Variants in SIGLEC11 observed in about 807,000 individuals in gnomAD.
The protein encoded by SIGLEC11 is sialic acid-binding Ig-like lectin 11.
Under a neutral mutation model 61.2 loss-of-function variants are expected in SIGLEC11, and 47 were observed. The observed-to-expected ratio is 0.77, with a 90% CI of 0.61 to 0.98. The LOEUF (loss-of-function observed/expected upper bound fraction) is 0.98. Among genes scored for constraint, SIGLEC11 ranks in the 50% least tolerant of loss-of-function variants. The pLI is 0.00. For missense variants in SIGLEC11, 610 were observed against 870.3 expected (o/e 0.70, Z 3.76); for synonymous variants, 278 against 373.1 (o/e 0.75, Z 2.94).
At chr19:49,953,566 T>C (rs2076174292) in intron 8 of SIGLEC11, among the ~76,000 whole-genome samples, 1 of 152,168 alleles carries the variant, frequency 6.6e-6, no homozygotes, top group Admixed American at 6.5e-5. Flanking sequence ...AGAAGCCTTA[T>C]TAGGCTGATC....
At chr19:49,956,317 A>C (rs761973811) in intron 8 of SIGLEC11, among the ~76,000 whole-genome samples, 8 of 152,224 alleles carry the variant, frequency 5.3e-5, no homozygotes, top group Non-Finnish European at 1.2e-4. Context: ...TAAAACACTA[A>C]GAAACACTTT....
intron 8 of SIGLEC11, 109 bp from the exon 9 acceptor site, chr19:49,952,503 A>G (rs2076165627): frequency 1.4e-6 from 1 of 706,462 alleles, no homozygotes; most frequent in East Asian, 2.7e-5. Context: ...ACTGAGGCAG[A>G]AATTTAAAAA....
Position 49,960,340 on chromosome 19 carries a change from C to T in SIGLEC11, c.542G>A (p.Trp181Ter). 6.2e-7 allele frequency: 1 copy of T among 1,601,536 alleles called. No homozygotes were observed. Among genetic ancestry groups the T allele is most frequent in the South Asian group, 1.1e-5 (1 of 90,584 alleles). The change falls in exon 3 of 11, where the codon TGG becomes TAG. Residue 181 changes from tryptophan (W) to a stop codon, truncating the protein, a stop_gained. Coordinates refer to ENST00000447370, the MANE Select transcript of SIGLEC11 (RefSeq NM_052884.3). LOFTEE classifies it high-confidence loss of function. ...QPVTVICVFNWAFKKCPAPSF... is the reference protein window; with the variant it reads ...QPVTVICVFN ...AGGGGCTGGACATTTCTTGAAAGCC[C>T]AGTTAAACACACAGATGACCGTCAC...
chr19:49,959,330 G>A, intron 5 of SIGLEC11, 30 bp downstream of exon 5: 1 of 1,600,518 alleles, frequency 6.2e-7, no homozygotes, highest in East Asian at 2.2e-5. Flanking sequence ...CCCTCCCAAT[G>A]GACTCCAGGC....
In SIGLEC11 at chr19:49,951,792, TG is replaced by T; in HGVS notation, c.1830+98del. The T allele has an allele frequency of 9.4e-7, 1 of 1,067,560 alleles. No individual in the cohort carries two copies. 66.1% of individuals were successfully genotyped at this position (1,067,560 alleles called of 1,614,324 possible). ...GGGGACCCAGGAGCAAAACCCTATT[TG>T]GGGCACAATGATTCTGCAAGTCACC... On this transcript the variant is annotated intron_variant, in intron 10 of 10. Transcript: ENST00000447370. The surrounding 1 kb of genome is among the most constrained non-coding windows in gnomAD (Gnocchi z 4.6).
intron 8 of SIGLEC11, among the ~76,000 whole-genome samples, chr19:49,954,578 T>C (rs914878834): frequency 6.6e-6 from 1 of 152,160 alleles, no homozygotes; most frequent in Non-Finnish European, 1.5e-5. Flanking sequence ...TTCTGACTAC[T>C]GAGCTACTGA....
rs2076149628 is a variant in SIGLEC11, at chr19:49,950,121, AAGCTGAGGGAGGCATAGTGG to A, written c.1926_1945del (p.His643ProfsTer69). The A allele has an allele frequency of 1.2e-6, 2 of 1,612,890 alleles. No homozygotes were observed. The highest frequency in any genetic ancestry group is 1.7e-6 in the Non-Finnish European group (2 of 1,179,506). On this transcript the variant is annotated frameshift_variant, in exon 11 of 11. Coordinates refer to ENST00000447370, the MANE Select transcript of SIGLEC11 (RefSeq NM_052884.3). LOFTEE classifies it low-confidence loss of function (END_TRUNC). ...AGGCTCCCAGAGCCTCAGGCCCTGG[AAGCTGAGGGAGGCATAGTGG>A]AGCTCCTGCTCTTCCCCCTTCCCCG...
At chr19:49,954,584 A>G (rs2076182565) in intron 8 of SIGLEC11, among the ~76,000 whole-genome samples, 2 of 152,166 alleles carry the variant, frequency 1.3e-5, no homozygotes, top group Non-Finnish European at 2.9e-5. Context: ...CTACTGAGCT[A>G]CTGATCTACT....
chr19:49,952,211 C>A, intron 9 of SIGLEC11, 87 bp downstream of exon 9: 1 of 1,361,666 alleles, frequency 7.3e-7, no homozygotes, highest in Non-Finnish European at 1.0e-6. Flanking sequence ...CCCACTGCCC[C>A]ATCTAGATTC....
In SIGLEC11 at chr19:49,955,062, G is replaced by A. The variant is rs745636750; in HGVS notation, c.1652-2668C>T. 6.6e-5 allele frequency among the ~76,000 whole-genome samples: 10 copies of A among 152,104 alleles called. No homozygotes were observed. Among genetic ancestry groups the A allele is most frequent in the Non-Finnish European group, 8.8e-5 (6 of 68,014 alleles). Reference sequence around the variant, plus strand: ...GACCCTGAGGCTGCTGAAAATCAGCGCATGGTAAACACAGCATTTGTAGGG... The same window carrying A: ...GACCCTGAGGCTGCTGAAAATCAGCACATGGTAAACACAGCATTTGTAGGG... On this transcript the variant is annotated intron_variant, in intron 8 of 10. Coordinates refer to ENST00000447370, the MANE Select transcript of SIGLEC11 (RefSeq NM_052884.3). This position sits in a 1 kb window ranked among gnomAD's most constrained non-coding sequence, Gnocchi z 4.5.
rs1246291015 is a variant in SIGLEC11, at chr19:49,955,656, C to A, written c.1651+2627G>T. 6.6e-6 allele frequency among the ~76,000 whole-genome samples: 1 copy of A among 152,124 alleles called. No homozygotes were observed. Among genetic ancestry groups the A allele is most frequent in the African/African-American group, 2.4e-5 (1 of 41,420 alleles). On this transcript the variant is annotated intron_variant, in intron 8 of 10. Transcript: ENST00000447370. The surrounding 1 kb of genome is among the most constrained non-coding windows in gnomAD (Gnocchi z 4.5). Reference sequence around the variant, plus strand: ...CTCATAAAAAGAAAAATTAGCAGGCCGGGCATGGCGGCTCACACCTGTAAT... The same window carrying A: ...CTCATAAAAAGAAAAATTAGCAGGCAGGGCATGGCGGCTCACACCTGTAAT...
chr19:49,953,513 T>A (rs8107645), intron 8 of SIGLEC11, among the ~76,000 whole-genome samples: 65,605 of 151,952 alleles, frequency 0.43, 14,613 homozygotes, highest in South Asian at 0.62. Context: ...AATTAGGAAC[T>A]TAGGAACTGG....
Position 49,949,254 on chromosome 19 carries a change from G to GAGATTACAGGCGTGAGCCACCATGCCC in SIGLEC11, c.*689_*715dup, listed in dbSNP as rs2076142133. ...ACCCACTTCAGCCTCCCAAAGTGTT[G>GAGATTACAGGCGTGAGCCACCATGCCC]AGATTACAGGCGTGAGCCACCATGC... On this transcript the variant is annotated 3_prime_UTR_variant, in exon 11 of 11. Transcript: ENST00000447370. 1 of 151,572 alleles carries GAGATTACAGGCGTGAGCCACCATGCCC rather than the reference G, an allele frequency of 6.6e-6. No individual in the cohort carries two copies. The highest frequency in any genetic ancestry group is 1.5e-5 in the Non-Finnish European group (1 of 67,962). The allele number at this position is 151,572 out of a possible 1,614,324, so 9.4% of individuals were successfully genotyped here. A position where few individuals can be genotyped will look rare whatever the true frequency, so the allele number is the denominator to read the frequency against.
chr19:49,958,974 T>A (rs528649918), intron 6 of SIGLEC11, 56 bp downstream of exon 6: 125 of 1,613,364 alleles, frequency 7.7e-5, no homozygotes, highest in Admixed American at 6.5e-4. Context: ...CCCTCCAGAC[T>A]CCTGGGCCCC....
chr19:49,953,666 G>A lies in SIGLEC11; in HGVS notation c.1652-1272C>T, dbSNP rs79351205. 8.0e-5 allele frequency among the ~76,000 whole-genome samples: 12 copies of A among 149,778 alleles called. No homozygotes were observed. In the South Asian group the frequency reaches 2.3e-3, roughly 28 times the overall value. On this transcript the variant is annotated intron_variant, in intron 8 of 10. Coordinates refer to ENST00000447370, the MANE Select transcript of SIGLEC11 (RefSeq NM_052884.3). ...CCAACTAAGACTAGTGGTGATCTGC[G>A]TATGGCTAATAGGAGCTGCCCTACA...
At chr19:49,952,089 AT>A (rs1446865190) in intron 9 of SIGLEC11, 117 bp from the exon 10 acceptor site, 5 of 1,132,404 alleles carry the variant, frequency 4.4e-6, no homozygotes, top group Non-Finnish European at 6.2e-6. Flanking sequence ...GTGGGGACAT[AT>A]CCACGGGGTG....
In SIGLEC11 at chr19:49,960,367, G is replaced by A. The variant is rs779205214; in HGVS notation, c.515C>T (p.Pro172Leu). 26 of 1,598,650 alleles carry A rather than the reference G, an allele frequency of 1.6e-5. No individual in the cohort carries two copies. The African/African-American group carries it at 2.5e-4, about 16-fold the overall frequency. The change falls in exon 3 of 11, where the codon CCG becomes CTG. Residue 172 changes from proline (P) to leucine (L), a missense_variant. This residue lies in a region of SIGLEC11 where 99 missense variants were observed against 131.6 expected (regional missense o/e 0.75). Transcript: ENST00000447370. The stretch of plus-strand genomic sequence containing the variant: ...GTTAAACACACAGATGACCGTCACC[G>A]GCTGCCCGGGCTCCAGGGTCTCGGG... ...YIPETLEPGQPVTVICVFNWA... is the reference protein window; with the variant it reads ...YIPETLEPGQLVTVICVFNWA...
Position 49,959,109 on chromosome 19 carries a change from A to G in SIGLEC11, c.1058-32T>C, listed in dbSNP as rs548637588. ...TGGAGACAGGGGACCGGCTCTAGAC[A>G]GACCAGGGGCTTCCCTCTGGGTAAA... On this transcript the variant is annotated intron_variant, in intron 5 of 10. Coordinates refer to ENST00000447370, the MANE Select transcript of SIGLEC11 (RefSeq NM_052884.3). 917 of 1,612,722 alleles carry G rather than the reference A, an allele frequency of 5.7e-4. 3 individuals carry two copies. Among genetic ancestry groups the G allele is most frequent in the South Asian group, 2.1e-3 (190 of 90,942 alleles).
chr19:49,956,449 G>T lies in SIGLEC11; in HGVS notation c.1651+1834C>A, dbSNP rs900678926. Among the ~76,000 whole-genome samples, 4 of 152,138 alleles carry T rather than the reference G, an allele frequency of 2.6e-5. No homozygotes were observed. In the South Asian group the frequency reaches 8.3e-4, roughly 32 times the overall value. On this transcript the variant is annotated intron_variant, in intron 8 of 10. Transcript: ENST00000447370. The stretch of plus-strand genomic sequence containing the variant: ...ACTTGGCAAGCACCTCCTAGTCTTT[G>T]TTGGATCTGTAGGCCATGGGCATAT...
Sources: gnomAD v4.1 joint callset for allele counts (sites outside exome capture counted in the v4.1 genomes callset) on GRCh38, gnomAD v4.1.1 for gene constraint, gnomAD v4.1.1 regional missense constraint, Gnocchi (gnomAD v3.1) non-coding constraint, MANE v1.5 for transcripts, NCBI Gene and HGNC (gene_info 2026-07-23, HGNC 2026-07-21) for gene names.